CNTN5: variants seen among roughly 807,000 people sequenced by gnomAD.
CNTN5 encodes contactin 5.
CNTN5 carries 77 observed loss-of-function variants against 129.1 expected under a neutral mutation model. That is an observed-to-expected ratio of 0.60 (90% CI 0.50 to 0.72). The LOEUF (loss-of-function observed/expected upper bound fraction) is 0.72. Among genes scored for constraint, CNTN5 ranks in the 30% least tolerant of loss-of-function variants. The pLI, the probability that CNTN5 is intolerant of heterozygous loss-of-function variation, is 0.00. For missense variants in CNTN5, 1,478 were observed against 1,328.8 expected (o/e 1.11, Z -1.75); for synonymous variants, 509 against 465.6 (o/e 1.09, Z -1.20).
intron 15 of CNTN5, among the ~76,000 whole-genome samples, chr11:100,199,000 T>C (rs1948713283): frequency 6.6e-6 from 1 of 151,974 alleles, no homozygotes; most frequent in South Asian, 2.1e-4. Context: ...GAATAGAACA[T>C]AGTAAGTGCT....
intron 1 of CNTN5, among the ~76,000 whole-genome samples, chr11:99,145,748 T>G (rs1192173255): frequency 8.5e-5 from 13 of 152,166 alleles, no homozygotes; most frequent in Admixed American, 8.5e-4. Context: ...AATAATATTT[T>G]ATAGACCATA....
intron 2 of CNTN5, among the ~76,000 whole-genome samples, chr11:99,476,065 C>T (rs1359159405): frequency 3.0e-5 from 2 of 67,778 alleles, no homozygotes; most frequent in Admixed American, 4.4e-4. Context: ...TATTCTCTTG[C>T]TCTCTTTCTC....
chr11:99,391,381 G>A (rs1298165474), intron 2 of CNTN5, among the ~76,000 whole-genome samples: 1 of 152,060 alleles, frequency 6.6e-6, no homozygotes, highest in African/African-American at 2.4e-5. Flanking sequence ...ATAGTGTGGA[G>A]AGAGTTTTAG....
chr11:100,195,641 ATTTAGC>A (rs1177805902), intron 15 of CNTN5, among the ~76,000 whole-genome samples: 2 of 151,984 alleles, frequency 1.3e-5, no homozygotes, highest in Non-Finnish European at 2.9e-5. Context: ...GGAGAAAAAC[ATTTAGC>A]TTTAAGGTAT....
At chr11:99,210,617 T>C (rs1859721352) in intron 1 of CNTN5, among the ~76,000 whole-genome samples, 1 of 152,162 alleles carries the variant, frequency 6.6e-6, no homozygotes, top group African/African-American at 2.4e-5. Flanking sequence ...CATTCCCTGG[T>C]CCAAATACCC....
intron 24 of CNTN5, among the ~76,000 whole-genome samples, chr11:100,351,685 A>C (rs1952417761): frequency 1.3e-5 from 2 of 149,984 alleles, no homozygotes; most frequent in Admixed American, 6.7e-5. Context: ...AGCAAAAATT[A>C]GGCAAATTTC....
chr11:99,878,931 T>A (rs933427059), intron 6 of CNTN5, among the ~76,000 whole-genome samples: 4 of 152,120 alleles, frequency 2.6e-5, no homozygotes, highest in African/African-American at 9.6e-5. Flanking sequence ...TGTTTTGTTT[T>A]TTGTTTTTGT....
intron 2 of CNTN5, among the ~76,000 whole-genome samples, chr11:99,536,135 C>T (rs1317181812): frequency 6.6e-6 from 1 of 152,042 alleles, no homozygotes; most frequent in Non-Finnish European, 1.5e-5. Flanking sequence ...TTTCTTTCAA[C>T]CTCAGAAGCT....
intron 3 of CNTN5, among the ~76,000 whole-genome samples, chr11:99,748,275 A>G (rs1944122101): frequency 6.6e-6 from 1 of 152,118 alleles, no homozygotes; most frequent in East Asian, 1.9e-4. Flanking sequence ...TTTGAGAAAT[A>G]TTGGGATTAA....
At chr11:99,768,438 C>A (rs993762871) in intron 3 of CNTN5, among the ~76,000 whole-genome samples, 1 of 152,116 alleles carries the variant, frequency 6.6e-6, no homozygotes. Context: ...GTCTCATAGA[C>A]AGTCCATATT....
At chr11:100,257,410 T>A (rs1038535249) in intron 17 of CNTN5, among the ~76,000 whole-genome samples, 1 of 152,122 alleles carries the variant, frequency 6.6e-6, no homozygotes, top group Non-Finnish European at 1.5e-5. Context: ...GAGCAGCAGA[T>A]CTCCCAGCGC....
At chr11:99,814,516 C>G (rs1344017500) in intron 3 of CNTN5, among the ~76,000 whole-genome samples, 1 of 152,122 alleles carries the variant, frequency 6.6e-6, no homozygotes, top group Admixed American at 6.6e-5. Context: ...ATACTGTATT[C>G]TTTGGCTACA....
intron 8 of CNTN5, 24 bp downstream of exon 8, chr11:99,957,033 T>C (rs758651484): frequency 6.3e-7 from 1 of 1,598,464 alleles, no homozygotes; most frequent in East Asian, 2.2e-5. Flanking sequence ...CCCGTTAAAA[T>C]GGTCAGCCAA....
chr11:100,106,771 G>T (rs1010267652), intron 13 of CNTN5, among the ~76,000 whole-genome samples: 2 of 152,090 alleles, frequency 1.3e-5, no homozygotes, highest in African/African-American at 2.4e-5. Context: ...GGGACAAGAA[G>T]AAATAATAAT....
intron 1 of CNTN5, among the ~76,000 whole-genome samples, chr11:99,028,146 G>T (rs184799838): frequency 6.6e-6 from 1 of 151,834 alleles, no homozygotes; most frequent in Non-Finnish European, 1.5e-5. Context: ...TGAGATTGAA[G>T]TTAAGTGATC....
chr11:100,323,399 G>A (rs1951730074), intron 21 of CNTN5, among the ~76,000 whole-genome samples: 1 of 152,182 alleles, frequency 6.6e-6, no homozygotes, highest in Non-Finnish European at 1.5e-5. Flanking sequence ...AGGGATTGAA[G>A]AACATTCACA....
chr11:99,028,783 C>T (rs1863223780), intron 1 of CNTN5, among the ~76,000 whole-genome samples: 1 of 151,794 alleles, frequency 6.6e-6, no homozygotes, highest in Non-Finnish European at 1.5e-5. Context: ...TGATTTCTTT[C>T]ATTTATGTAG....
intron 1 of CNTN5, among the ~76,000 whole-genome samples, chr11:99,032,982 A>G (rs1863478522): frequency 7.4e-6 from 1 of 135,070 alleles, no homozygotes; most frequent in South Asian, 2.3e-4. Flanking sequence ...AGCTTTCTGC[A>G]TATGGCTAGC....
chr11:99,975,871 C>G (rs1014166393), intron 8 of CNTN5, among the ~76,000 whole-genome samples: 6 of 152,168 alleles, frequency 3.9e-5, no homozygotes, highest in African/African-American at 1.4e-4. Context: ...CTTTCTTAAC[C>G]CATCATGCTT....
Sources: allele counts gnomAD v4.1 joint callset (sites outside exome capture counted in the v4.1 genomes callset), GRCh38; gene constraint gnomAD v4.1.1; transcripts MANE v1.5; gene names NCBI Gene and HGNC (gene_info 2026-07-23, HGNC 2026-07-21).